The following ATP23 variants were observed in gnomAD, a reference collection of about 807,000 sequenced individuals.
ATP23 encodes ATP23 metallopeptidase and ATP synthase assembly factor homolog.
A neutral mutation model predicts 28.5 loss-of-function variants in ATP23; 24 were observed. The observed-to-expected ratio is 0.84, with a 90% CI of 0.61 to 1.18. The LOEUF (loss-of-function observed/expected upper bound fraction) is 1.18. Ranked by LOEUF, ATP23 falls within the 50% of genes most tolerant of loss-of-function variation. The pLI is 0.00. For synonymous variants in ATP23, 99 were observed against 108.6 expected (o/e 0.91, Z 0.55); for missense variants, 274 against 306.4 (o/e 0.89, Z 0.79).
chr12:57,952,022 A>G, intron 4 of ATP23, 127 bp downstream of exon 4: 1 of 1,191,440 alleles, frequency 8.4e-7, no homozygotes, highest in Non-Finnish European at 1.2e-6. Context: ...TCGGTTTATA[A>G]CTAACATTGA....
Position 57,946,992 on chromosome 12 carries a change from T to C in ATP23, c.234-3T>C. ...GACATTGTCTCCTTTTCTTGCCTTTTAGTGCTGTTAACAAAGATAGACACT... is the reference window on the plus strand; with the variant it reads ...GACATTGTCTCCTTTTCTTGCCTTTCAGTGCTGTTAACAAAGATAGACACT... On this transcript the variant is annotated splice_polypyrimidine_tract_variant and splice_region_variant and intron_variant, in intron 2 of 5. Coordinates refer to ENST00000300145, the MANE Select transcript of ATP23 (RefSeq NM_033276.4). 1.2e-6 allele frequency: 2 copies of C among 1,613,886 alleles called. No homozygotes were observed. Among genetic ancestry groups the C allele is most frequent in the Non-Finnish European group, 1.7e-6 (2 of 1,179,882 alleles).
intron 5 of ATP23, among the ~76,000 whole-genome samples, chr12:57,955,204 T>C (rs1421236441): frequency 6.6e-6 from 1 of 152,010 alleles, no homozygotes; most frequent in African/African-American, 2.4e-5. Context: ...ATACTCTGTT[T>C]TTAGAAAAAT....
At chr12:57,948,371 C>T (rs190362811) in intron 3 of ATP23, among the ~76,000 whole-genome samples, 78 of 152,252 alleles carry the variant, frequency 5.1e-4, no homozygotes, top group African/African-American at 1.8e-3. Flanking sequence ...CAACCTCTGC[C>T]TCCTGGGTTC....
At chr12:57,948,614 G>A (rs1442874228) in intron 3 of ATP23, among the ~76,000 whole-genome samples, 3 of 151,898 alleles carry the variant, frequency 2.0e-5, no homozygotes, top group African/African-American at 7.2e-5. Flanking sequence ...TTATTATGAA[G>A]TATCTCATTC....
Position 57,941,618 on chromosome 12 carries a change from C to A in ATP23, c.-84C>A. On this transcript the variant is annotated 5_prime_UTR_variant, in exon 1 of 6. Coordinates refer to ENST00000300145, the MANE Select transcript of ATP23 (RefSeq NM_033276.4). ...TGCGGAGGGAGGGCCTGGGCGGTCG[C>A]GTTGGCGGGAGGGAGGTTACCTTTC... is the stretch of plus-strand genomic sequence containing the variant. The A allele has an allele frequency of 6.6e-7, 1 of 1,518,924 alleles. No homozygotes were observed. The allele number at this position is 1,518,924 out of a possible 1,614,324, so 94.1% of individuals were successfully genotyped here.
chr12:57,947,671 G>A (rs1174459358), intron 3 of ATP23, among the ~76,000 whole-genome samples: 2 of 152,110 alleles, frequency 1.3e-5, no homozygotes, highest in Non-Finnish European at 2.9e-5. Flanking sequence ...TACAATTTGG[G>A]CAACGATTGT....
intron 3 of ATP23, among the ~76,000 whole-genome samples, chr12:57,949,995 A>T (rs1956799450): frequency 6.6e-6 from 1 of 152,078 alleles, no homozygotes; most frequent in African/African-American, 2.4e-5. Flanking sequence ...GTATTCTATC[A>T]ACATATTTTG....
rs1458932289 is a variant in ATP23 at position 57,957,727 on chromosome 12, G to C, written c.*837G>C. Reference sequence around the variant, plus strand: ...CAGGGGTAGAGCAAGCAGCAGGAAGGCCCAGGGAGCTCGCTGGGTCCCCAA... The same window carrying C: ...CAGGGGTAGAGCAAGCAGCAGGAAGCCCCAGGGAGCTCGCTGGGTCCCCAA... On this transcript the variant is annotated 3_prime_UTR_variant, in exon 6 of 6. Coordinates refer to ENST00000300145, the MANE Select transcript of ATP23 (RefSeq NM_033276.4). Among the ~76,000 whole-genome samples, 1 of 152,198 alleles carries C rather than the reference G, an allele frequency of 6.6e-6. No homozygotes were observed. The highest frequency in any genetic ancestry group is 2.4e-5 in the African/African-American group (1 of 41,444).
At chr12:57,952,404 T>G (rs1019845043) in intron 4 of ATP23, among the ~76,000 whole-genome samples, 9 of 152,204 alleles carry the variant, frequency 5.9e-5, no homozygotes, top group Non-Finnish European at 4.4e-5. Context: ...ACAACTAGTG[T>G]TTTTAACTAG....
chr12:57,945,749 A>G, intron 2 of ATP23, 76 bp downstream of exon 2: 1 of 1,340,714 alleles, frequency 7.5e-7, no homozygotes. Flanking sequence ...TCTTAAGAGA[A>G]CTGCTTAAGA....
chr12:57,943,004 T>G (rs1385174671), intron 1 of ATP23, among the ~76,000 whole-genome samples: 5 of 152,194 alleles, frequency 3.3e-5, no homozygotes, highest in Non-Finnish European at 7.3e-5. Flanking sequence ...AGCTAGTCAG[T>G]CACAGTTCAA....
intron 3 of ATP23, among the ~76,000 whole-genome samples, chr12:57,951,167 T>G (rs1330501359): frequency 2.0e-5 from 3 of 152,230 alleles, no homozygotes; most frequent in Non-Finnish European, 4.4e-5. Context: ...TCCCTGGCAT[T>G]TGCCCTCATT....
chr12:57,951,465 A>G (rs909433775), intron 3 of ATP23, among the ~76,000 whole-genome samples: 2 of 152,196 alleles, frequency 1.3e-5, no homozygotes, highest in Non-Finnish European at 1.5e-5. Flanking sequence ...ACAGACTAGT[A>G]CGATCAGCCC....
chr12:57,958,671 C>G lies in ATP23; in HGVS notation c.*1781C>G, dbSNP rs529530319. Among the ~76,000 whole-genome samples, 2 of 152,310 alleles carry G rather than the reference C, an allele frequency of 1.3e-5. No individual in the cohort carries two copies. The highest frequency in any genetic ancestry group is 2.9e-5 in the Non-Finnish European group (2 of 68,032). ...CAGTTTGGCTTACAGGAAGCCACATCCATCGGAAAAGGGGGAGGGTATACA... is the reference window on the plus strand; with the variant it reads ...CAGTTTGGCTTACAGGAAGCCACATGCATCGGAAAAGGGGGAGGGTATACA... On this transcript the variant is annotated 3_prime_UTR_variant, in exon 6 of 6. Coordinates refer to ENST00000300145, the MANE Select transcript of ATP23 (RefSeq NM_033276.4).
rs1456533858 is a variant in ATP23 at position 57,944,643 on chromosome 12, GA to G, written c.188-980del. On this transcript the variant is annotated intron_variant, in intron 1 of 5. Transcript: ENST00000300145. ...TGTTTCACCAGCTTTAATTGTTGGAGAAAAATCCTTTCTCATACTGAGCTGA... is the reference window on the plus strand; with the variant it reads ...TGTTTCACCAGCTTTAATTGTTGGAGAAAATCCTTTCTCATACTGAGCTGA... Among the ~76,000 whole-genome samples the G allele has an allele frequency of 3.9e-5, 6 of 152,348 alleles. No individual in the cohort carries two copies. In the South Asian group the frequency reaches 1.0e-3, roughly 26 times the overall value.
At chr12:57,950,233 G>A (rs1338811284) in intron 3 of ATP23, among the ~76,000 whole-genome samples, 2 of 152,070 alleles carry the variant, frequency 1.3e-5, no homozygotes, top group African/African-American at 4.8e-5. Flanking sequence ...TTGCTCTTAG[G>A]GTAAAGACAA....
chr12:57,942,903 A>G (rs1383923357), intron 1 of ATP23, among the ~76,000 whole-genome samples: 1 of 152,218 alleles, frequency 6.6e-6, no homozygotes, highest in Non-Finnish European at 1.5e-5. Context: ...TAATTCCTTT[A>G]CATTGACATA....
At chr12:57,952,027 C>G in intron 4 of ATP23, 132 bp downstream of exon 4, 3 of 1,062,804 alleles carry the variant, frequency 2.8e-6, no homozygotes, top group Non-Finnish European at 4.1e-6. Flanking sequence ...TTATAACTAA[C>G]ATTGAATACC....
rs761142116 is a variant in ATP23 at position 57,941,860 on chromosome 12, G to A, written c.159G>A (p.Gln53=). ...TCTTCACCAGCAACCAGAAGTGCCAGCTTAGGCTCCTGAAGACGCTGGAGA... is the reference window on the plus strand; with the variant it reads ...TCTTCACCAGCAACCAGAAGTGCCAACTTAGGCTCCTGAAGACGCTGGAGA... ...SSFFTSNQKC[Q]LRLLKTLETN... is the part of the protein sequence containing the mutation. Residue 53 remains glutamine (Q), a synonymous_variant, in exon 1 of 6, where the codon CAG becomes CAA. Coordinates refer to ENST00000300145, the MANE Select transcript of ATP23 (RefSeq NM_033276.4). 1.2e-6 allele frequency: 2 copies of A among 1,613,556 alleles called. No individual in the cohort carries two copies. The highest frequency in any genetic ancestry group is 2.7e-5 in the African/African-American group (2 of 74,898).
Sources: gnomAD v4.1 joint callset for allele counts (sites outside exome capture counted in the v4.1 genomes callset) on GRCh38, gnomAD v4.1.1 for gene constraint, MANE v1.5 for transcripts, NCBI Gene and HGNC (gene_info 2026-07-23, HGNC 2026-07-21) for gene names.